The following NRG3 variants were observed in gnomAD, a reference collection of about 807,000 sequenced individuals.
The protein encoded by NRG3 is pro-neuregulin-3, membrane-bound isoform.
NRG3 carries 31 observed loss-of-function variants against 66.9 expected under a neutral mutation model. The ratio of observed to expected loss-of-function variants is 0.46; its 90% CI spans 0.35 to 0.63. The LOEUF (loss-of-function observed/expected upper bound fraction) is 0.63. NRG3 is among the 20% of genes least tolerant of loss of function. The pLI is 0.00. For synonymous variants in NRG3, 393 were observed against 359.4 expected (o/e 1.09, Z -1.06); for missense variants, 910 against 878.9 (o/e 1.04, Z -0.45).
intron 1 of NRG3, among the ~76,000 whole-genome samples, chr10:81,981,536 C>T (rs2060332250): frequency 6.6e-6 from 1 of 152,096 alleles, no homozygotes; most frequent in South Asian, 2.1e-4. Context: ...CTTCTGATGC[C>T]TTGAGTGACA....
intron 3 of NRG3, among the ~76,000 whole-genome samples, chr10:82,858,157 G>C (rs1013626558): frequency 6.6e-6 from 1 of 152,182 alleles, no homozygotes; most frequent in East Asian, 1.9e-4. Context: ...TGCTCTGGAA[G>C]CCTTTGTTGA....
At chr10:82,511,668 AG>A (rs984516162) in intron 2 of NRG3, among the ~76,000 whole-genome samples, 3 of 152,184 alleles carry the variant, frequency 2.0e-5, no homozygotes, top group African/African-American at 7.2e-5. Context: ...GGAAGGAGCC[AG>A]GGGATTTTGT....
At chr10:82,678,810 T>C (rs1375061111) in intron 2 of NRG3, among the ~76,000 whole-genome samples, 1 of 152,182 alleles carries the variant, frequency 6.6e-6, no homozygotes, top group African/African-American at 2.4e-5. Flanking sequence ...TGATGCCTAC[T>C]GCATTTTATG....
At position 82,097,462 on chromosome 10, in the gene NRG3, A is replaced by AAT. The variant is rs1229384735; in HGVS notation, c.823+221308_823+221309dup. Among the ~76,000 whole-genome samples the AAT allele has an allele frequency of 4.1e-5, 6 of 145,490 alleles. No individual in the cohort carries two copies. The East Asian group carries it at 5.9e-4, about 14-fold the overall frequency. Reference sequence around the variant, plus strand: ...ATATATCTGTAATATATATATCTGTAATATATATATGTGATATGTATCTGT... The same window carrying AAT: ...ATATATCTGTAATATATATATCTGTAATATATATATATGTGATATGTATCTGT... On this transcript the variant is annotated intron_variant, in intron 1 of 8. Coordinates refer to ENST00000372141, the MANE Select transcript of NRG3 (RefSeq NM_001010848.4).
At chr10:82,283,034 A>G (rs2079212843) in intron 1 of NRG3, among the ~76,000 whole-genome samples, 1 of 152,082 alleles carries the variant, frequency 6.6e-6, no homozygotes, top group African/African-American at 2.4e-5. Context: ...GAGGCTGATC[A>G]TCTGGCAGAG....
Position 82,738,667 on chromosome 10 carries a change from T to A in NRG3, c.1027+17T>A. The A allele has an allele frequency of 6.2e-7, 1 of 1,608,960 alleles. No individual in the cohort carries two copies. Among genetic ancestry groups the A allele is most frequent in the Non-Finnish European group, 8.5e-7 (1 of 1,175,286 alleles). On this transcript the variant is annotated intron_variant, in intron 3 of 8. Transcript: ENST00000372141. The stretch of plus-strand genomic sequence containing the variant: ...CGGATCCAAGTAGGTCAAGCATTTT[T>A]CTTCTCTCTAATGCAATATATAGGC...
intron 1 of NRG3, among the ~76,000 whole-genome samples, chr10:82,344,576 C>T (rs369051257): frequency 0.13 from 18,325 of 139,324 alleles, 1,417 homozygotes; most frequent in East Asian, 0.25. Flanking sequence ...TGGGTATATA[C>T]CCAGTAATGG....
At position 82,456,527 on chromosome 10, in the gene NRG3, C is replaced by T. The variant is rs148524289; in HGVS notation, c.953+97659C>T. ...GTCTAGGCCTACTCAGGGTCAGAAT[C>T]ATCAATGCATCACTAGGTAATAGAA... On this transcript the variant is annotated intron_variant, in intron 2 of 8. Coordinates refer to ENST00000372141, the MANE Select transcript of NRG3 (RefSeq NM_001010848.4). Among the ~76,000 whole-genome samples, 710 of 152,124 alleles carry T rather than the reference C, an allele frequency of 4.7e-3. 4 individuals carry two copies. Among genetic ancestry groups the T allele is most frequent in the African/African-American group, 0.016 (679 of 41,486 alleles).
At chr10:82,334,075 C>A (rs546679317) in intron 1 of NRG3, among the ~76,000 whole-genome samples, 1 of 142,976 alleles carries the variant, frequency 7.0e-6, no homozygotes, top group South Asian at 2.2e-4. Flanking sequence ...GAGGCTGAGG[C>A]AGGAGAATGG....
chr10:81,877,809 T>C, intron 1 of NRG3: 1 of 1,408,446 alleles, frequency 7.1e-7, no homozygotes, highest in Non-Finnish European at 9.2e-7. Flanking sequence ...CAGGAGGTGT[T>C]TAGAGCCTCC....
intron 1 of NRG3, among the ~76,000 whole-genome samples, chr10:82,156,934 A>G (rs982316657): frequency 6.6e-6 from 1 of 151,706 alleles, no homozygotes; most frequent in Non-Finnish European, 1.5e-5. Context: ...CATGGCAACA[A>G]TGGAGCTTAT....
At chr10:82,684,935 A>G (rs1054347402) in intron 2 of NRG3, among the ~76,000 whole-genome samples, 5 of 152,206 alleles carry the variant, frequency 3.3e-5, no homozygotes, top group African/African-American at 1.2e-4. Flanking sequence ...TTGATAAGGA[A>G]TTAGACTTTA....
At chr10:82,663,103 G>A (rs1446408114) in intron 2 of NRG3, among the ~76,000 whole-genome samples, 1 of 152,174 alleles carries the variant, frequency 6.6e-6, no homozygotes, top group African/African-American at 2.4e-5. Flanking sequence ...ATATCGGATA[G>A]GTAACTAGCA....
chr10:82,854,355 G>C (rs143355157), intron 3 of NRG3, among the ~76,000 whole-genome samples: 13 of 152,272 alleles, frequency 8.5e-5, no homozygotes, highest in African/African-American at 3.1e-4. Flanking sequence ...GGAATGGCAG[G>C]AACAAAAAGA....
chr10:82,482,999 G>A (rs1842405358), intron 2 of NRG3, among the ~76,000 whole-genome samples: 1 of 152,138 alleles, frequency 6.6e-6, no homozygotes, highest in Admixed American at 6.5e-5. Flanking sequence ...TTGCAAGGAT[G>A]CAAGAATTTT....
intron 2 of NRG3, among the ~76,000 whole-genome samples, chr10:82,545,274 C>A (rs900183151): frequency 6.6e-6 from 1 of 151,688 alleles, no homozygotes; most frequent in Non-Finnish European, 1.5e-5. Flanking sequence ...TTATTTGAAA[C>A]AATATATACA....
At chr10:82,419,561 G>A (rs11194262) in intron 2 of NRG3, among the ~76,000 whole-genome samples, 34,121 of 151,982 alleles carry the variant, frequency 0.22, 5,791 homozygotes, top group African/African-American at 0.48. Flanking sequence ...AGTGATTAGC[G>A]CACAACAAAA....
At chr10:82,226,395 G>A (rs778183208) in intron 1 of NRG3, among the ~76,000 whole-genome samples, 1 of 152,156 alleles carries the variant, frequency 6.6e-6, no homozygotes, top group Non-Finnish European at 1.5e-5. Context: ...TTTTAGAAGT[G>A]CAGAAAGGCA....
chr10:82,295,851 ATTGT>A (rs1490818916), intron 1 of NRG3, among the ~76,000 whole-genome samples: 3 of 151,992 alleles, frequency 2.0e-5, no homozygotes, highest in African/African-American at 7.3e-5. Context: ...TACTTATTGA[ATTGT>A]TTATGTGGCA....
Sources: gnomAD v4.1 joint callset for allele counts (sites outside exome capture counted in the v4.1 genomes callset) on GRCh38, gnomAD v4.1.1 for gene constraint, MANE v1.5 for transcripts, NCBI Gene and HGNC (gene_info 2026-07-23, HGNC 2026-07-21) for gene names.